The following CNTN4 variants were observed in gnomAD, a reference collection of about 807,000 sequenced individuals.
CNTN4 encodes contactin 4.
Under a neutral mutation model 122.5 loss-of-function variants are expected in CNTN4, and 77 were observed. The observed-to-expected ratio is 0.63, with a 90% CI of 0.52 to 0.76. The LOEUF (loss-of-function observed/expected upper bound fraction) is 0.76. CNTN4 is among the 30% of genes least tolerant of loss of function. CNTN4 has a pLI of 0.00. For synonymous variants in CNTN4, 512 were observed against 447.0 expected (o/e 1.15, Z -1.83); for missense variants, 1,256 against 1,259.1 (o/e 1.00, Z 0.04).
At chr3:2,680,881 G>A (rs1024574726) in intron 4 of CNTN4, among the ~76,000 whole-genome samples, 4 of 152,100 alleles carry the variant, frequency 2.6e-5, no homozygotes, top group Non-Finnish European at 5.9e-5. Context: ...TGACAAGTAC[G>A]TTCCATTTTC....
At chr3:3,026,572 A>C (rs1444240570) in intron 15 of CNTN4, among the ~76,000 whole-genome samples, 2 of 152,108 alleles carry the variant, frequency 1.3e-5, no homozygotes, top group African/African-American at 2.4e-5. Flanking sequence ...TAGCTACTGA[A>C]TTGTGGAACT....
At chr3:2,119,266 C>G (rs1160937064) in intron 2 of CNTN4, among the ~76,000 whole-genome samples, 2 of 152,186 alleles carry the variant, frequency 1.3e-5, no homozygotes, top group African/African-American at 4.8e-5. Flanking sequence ...ATCACGTAAG[C>G]CAATTCCTTG....
At chr3:2,388,277 T>G (rs538989558) in intron 3 of CNTN4, among the ~76,000 whole-genome samples, 4 of 152,290 alleles carry the variant, frequency 2.6e-5, no homozygotes, top group African/African-American at 9.6e-5. Context: ...TTCTCATAAT[T>G]TAAATGTTCT....
chr3:2,123,426 T>A (rs937777479), intron 2 of CNTN4, among the ~76,000 whole-genome samples: 1 of 152,084 alleles, frequency 6.6e-6, no homozygotes, highest in African/African-American at 2.4e-5. Flanking sequence ...ATTAAACAGG[T>A]TTTTCTGGTC....
chr3:2,571,337 T>C, intron 3 of CNTN4, 79 bp from the exon 4 acceptor site: 1 of 655,854 alleles, frequency 1.5e-6, no homozygotes, highest in East Asian at 2.7e-5. Context: ...TTTATTGATA[T>C]TTGAGTAAAG....
chr3:2,961,970 A>G (rs2094865162), intron 13 of CNTN4, among the ~76,000 whole-genome samples: 1 of 152,188 alleles, frequency 6.6e-6, no homozygotes, highest in African/African-American at 2.4e-5. Flanking sequence ...TCTTCATCAA[A>G]GTCTTTTTAA....
At chr3:2,118,317 G>T (rs2033510638) in intron 2 of CNTN4, among the ~76,000 whole-genome samples, 1 of 152,274 alleles carries the variant, frequency 6.6e-6, no homozygotes, top group Admixed American at 6.5e-5. Flanking sequence ...AACCAATTTG[G>T]AATCCTGGTT....
chr3:2,221,491 A>G (rs1046453226), intron 2 of CNTN4, among the ~76,000 whole-genome samples: 1 of 151,792 alleles, frequency 6.6e-6, no homozygotes, highest in Non-Finnish European at 1.5e-5. Flanking sequence ...TGGATTAGGC[A>G]TTCTCTTGAG....
chr3:2,612,904 A>T (rs1483679025), intron 4 of CNTN4, among the ~76,000 whole-genome samples: 1 of 152,132 alleles, frequency 6.6e-6, no homozygotes, highest in Non-Finnish European at 1.5e-5. Flanking sequence ...AGCCTTAGTG[A>T]CCTTGAGACA....
intron 12 of CNTN4, among the ~76,000 whole-genome samples, chr3:2,903,646 TTCCTC>T (rs1360338787): frequency 3.8e-4 from 58 of 152,226 alleles, no homozygotes; most frequent in Non-Finnish European, 6.5e-4. Context: ...TCATTGGTGC[TTCCTC>T]AGAAAGTCAT....
At chr3:2,216,959 T>C (rs1337081566) in intron 2 of CNTN4, among the ~76,000 whole-genome samples, 1 of 152,216 alleles carries the variant, frequency 6.6e-6, no homozygotes, top group East Asian at 1.9e-4. Flanking sequence ...TTTTATTTTA[T>C]GACTTCAAAT....
chr3:2,527,168 C>T (rs6780834), intron 3 of CNTN4, among the ~76,000 whole-genome samples: 19 of 151,626 alleles, frequency 1.3e-4, no homozygotes, highest in African/African-American at 4.1e-4. Flanking sequence ...CTTAGCCATG[C>T]ACTGTTGGTG....
At chr3:2,151,554 G>A (rs2035495097) in intron 2 of CNTN4, among the ~76,000 whole-genome samples, 1 of 152,182 alleles carries the variant, frequency 6.6e-6, no homozygotes. Flanking sequence ...GCAATGTTTT[G>A]CATAGTTGTC....
chr3:2,661,124 G>A (rs996196215), intron 4 of CNTN4, among the ~76,000 whole-genome samples: 4 of 152,174 alleles, frequency 2.6e-5, no homozygotes, highest in African/African-American at 9.7e-5. Context: ...CTTCAGCTGA[G>A]CCAATAGCTA....
chr3:3,047,570 T>G (rs9873380), intron 23 of CNTN4, among the ~76,000 whole-genome samples: 63,711 of 140,762 alleles, frequency 0.45, 15,496 homozygotes, highest in East Asian at 0.6. Context: ...AGATGTTCTT[T>G]GAAACCAACG....
chr3:2,381,847 T>A (rs1435373524), intron 3 of CNTN4, among the ~76,000 whole-genome samples: 2 of 152,160 alleles, frequency 1.3e-5, no homozygotes, highest in Admixed American at 6.5e-5. Context: ...TATTTTAATA[T>A]CTTAGCCAAG....
chr3:2,708,741 A>AC (rs1436229999), intron 4 of CNTN4, among the ~76,000 whole-genome samples: 2 of 30,184 alleles, frequency 6.6e-5, no homozygotes. Context: ...ACACACACAC[A>AC]CACACACACA....
At chr3:2,204,915 G>A (rs2038270780) in intron 2 of CNTN4, among the ~76,000 whole-genome samples, 1 of 152,048 alleles carries the variant, frequency 6.6e-6, no homozygotes, top group African/African-American at 2.4e-5. Flanking sequence ...TATCAGTACA[G>A]AATCCTATGA....
intron 3 of CNTN4, among the ~76,000 whole-genome samples, chr3:2,432,256 C>G (rs112685047): frequency 1.1e-4 from 16 of 152,280 alleles, no homozygotes; most frequent in African/African-American, 3.8e-4. Flanking sequence ...CATCACTGTG[C>G]TTATGCATTC....
Sources: gnomAD v4.1 joint callset for allele counts (sites outside exome capture counted in the v4.1 genomes callset) on GRCh38, gnomAD v4.1.1 for gene constraint, MANE v1.5 for transcripts, NCBI Gene and HGNC (gene_info 2026-07-23, HGNC 2026-07-21) for gene names.